MAGI2: variants seen among roughly 807,000 people sequenced by gnomAD.
MAGI2 encodes membrane associated guanylate kinase, WW and PDZ domain containing 2.
Under a neutral mutation model 133.3 loss-of-function variants are expected in MAGI2, and 35 were observed. That is an observed-to-expected ratio of 0.26 (90% CI 0.20 to 0.35). MAGI2 has a LOEUF of 0.35. MAGI2 is among the 10% of genes least tolerant of loss of function. The probability of loss-of-function intolerance (pLI) is 1.00; values close to 1 mark genes in which losing one functional copy is unlikely to be tolerated. For synonymous variants in MAGI2, 729 were observed against 710.6 expected (o/e 1.03, Z -0.41); for missense variants, 1,636 against 1,863.4 (o/e 0.88, Z 2.25).
rs724914 is a variant in MAGI2 at position 78,521,808 on chromosome 7, A to C, written c.539-163T>G. On this transcript the variant is annotated intron_variant, in intron 3 of 21. Transcript: ENST00000354212. Reference sequence around the variant, plus strand: ...TGGTTTTCTATCTATGTGTCTCTCTATATATATACATATTTATTTGTTCCT... The same window carrying C: ...TGGTTTTCTATCTATGTGTCTCTCTCTATATATACATATTTATTTGTTCCT... 0.69 allele frequency among the ~76,000 whole-genome samples: 104,756 copies of C among 151,914 alleles called. 36,853 individuals are homozygous for C. Among genetic ancestry groups the C allele is most frequent in the African/African-American group, 0.84 (34,833 of 41,450 alleles).
chr7:78,488,535 C>T (rs913176724), intron 6 of MAGI2, among the ~76,000 whole-genome samples: 5 of 132,904 alleles, frequency 3.8e-5, no homozygotes, highest in African/African-American at 1.5e-4. Flanking sequence ...CAGACTATCA[C>T]ATTTTGTAAC....
intron 2 of MAGI2, among the ~76,000 whole-genome samples, chr7:78,889,462 T>C (rs1222242629): frequency 6.6e-6 from 1 of 152,136 alleles, no homozygotes; most frequent in African/African-American, 2.4e-5. Flanking sequence ...GAAATAATGT[T>C]AAGGGCAGCC....
chr7:79,212,029 T>G (rs553224491), intron 1 of MAGI2, among the ~76,000 whole-genome samples: 2 of 152,224 alleles, frequency 1.3e-5, no homozygotes, highest in African/African-American at 4.8e-5. Context: ...TGTCCCAAAC[T>G]CTCTGGACTT....
At chr7:78,234,578 TTATATTTCA>T (rs1371759842) in intron 10 of MAGI2, among the ~76,000 whole-genome samples, 6 of 10,130 alleles carry the variant, frequency 5.9e-4, no homozygotes, top group African/African-American at 4.9e-4. Flanking sequence ...TTCATATTCA[TTATATTTCA>T]TATAATATAA....
In MAGI2 at chr7:79,264,767, C is replaced by A. The variant is rs201710185; in HGVS notation, c.301+188253G>T. On this transcript the variant is annotated intron_variant, in intron 1 of 21. Coordinates refer to ENST00000354212, the MANE Select transcript of MAGI2 (RefSeq NM_012301.4). ...CAGACATCAGAACCTGGTTGAGGAT[C>A]TAGTGAGGGCTTCAGGCTGCTTCAT... 1.6e-4 allele frequency among the ~76,000 whole-genome samples: 25 copies of A among 151,790 alleles called. No individual in the cohort carries two copies. In the East Asian group the frequency reaches 3.9e-3, roughly 24 times the overall value.
At chr7:78,474,317 CTA>C (rs1157969367) in intron 6 of MAGI2, among the ~76,000 whole-genome samples, 2 of 151,958 alleles carry the variant, frequency 1.3e-5, no homozygotes, top group African/African-American at 4.8e-5. Flanking sequence ...AAAAAGGAAT[CTA>C]TGTGATAGTG....
chr7:78,921,335 A>T (rs914973068), intron 2 of MAGI2, among the ~76,000 whole-genome samples: 1 of 152,306 alleles, frequency 6.6e-6, no homozygotes, highest in East Asian at 1.9e-4. Flanking sequence ...TGACTTTATC[A>T]TGCATAAAAA....
chr7:78,382,399 T>C (rs1183361033), intron 6 of MAGI2, among the ~76,000 whole-genome samples: 9 of 151,872 alleles, frequency 5.9e-5, no homozygotes, highest in Admixed American at 5.9e-4. Context: ...CAATAACAAA[T>C]GAGCTTACAT....
intron 2 of MAGI2, among the ~76,000 whole-genome samples, chr7:78,936,162 G>A (rs1300208413): frequency 6.6e-6 from 1 of 151,820 alleles, no homozygotes; most frequent in African/African-American, 2.4e-5. Context: ...TAAGGAAAAT[G>A]AAAACAAAGC....
intron 1 of MAGI2, among the ~76,000 whole-genome samples, chr7:79,147,474 G>T (rs1011881311): frequency 6.6e-6 from 1 of 152,154 alleles, no homozygotes; most frequent in Non-Finnish European, 1.5e-5. Flanking sequence ...GGGCTGCTTA[G>T]CTTGGGAACC....
intron 1 of MAGI2, among the ~76,000 whole-genome samples, chr7:79,294,557 G>A (rs527999895): frequency 6.6e-6 from 1 of 152,012 alleles, no homozygotes; most frequent in South Asian, 2.1e-4. Flanking sequence ...CTTTTTACTT[G>A]GCTGTCTCAG....
At chr7:78,066,945 G>T (rs1813895530) in intron 21 of MAGI2, among the ~76,000 whole-genome samples, 1 of 152,188 alleles carries the variant, frequency 6.6e-6, no homozygotes, top group Admixed American at 6.5e-5. Flanking sequence ...TGTATATACG[G>T]CTTCAATGTG....
At chr7:79,378,006 C>T (rs910576841) in intron 1 of MAGI2, among the ~76,000 whole-genome samples, 8 of 151,906 alleles carry the variant, frequency 5.3e-5, no homozygotes, top group African/African-American at 1.9e-4. Flanking sequence ...GACATGTTTT[C>T]ACAGATAATT....
intron 21 of MAGI2, among the ~76,000 whole-genome samples, chr7:78,077,046 A>T (rs1381758663): frequency 6.6e-6 from 1 of 152,154 alleles, no homozygotes; most frequent in Non-Finnish European, 1.5e-5. Flanking sequence ...ACTACAGACA[A>T]GCAGCTGATG....
intron 20 of MAGI2, among the ~76,000 whole-genome samples, chr7:78,124,312 G>C (rs1426701867): frequency 6.6e-6 from 1 of 152,222 alleles, no homozygotes; most frequent in Admixed American, 6.5e-5. Context: ...AGGGCTAGAC[G>C]GGGTAAGAGG....
chr7:78,779,667 T>C (rs1826250299), intron 2 of MAGI2, among the ~76,000 whole-genome samples: 1 of 152,222 alleles, frequency 6.6e-6, no homozygotes, highest in Non-Finnish European at 1.5e-5. Flanking sequence ...TTTCAGGAAC[T>C]CATCAGGCTC....
At chr7:79,450,767 T>C (rs1294667171) in intron 1 of MAGI2, among the ~76,000 whole-genome samples, 3 of 152,196 alleles carry the variant, frequency 2.0e-5, no homozygotes, top group Non-Finnish European at 4.4e-5. Context: ...TCATCTTATA[T>C]AGGAATCCCT....
intron 1 of MAGI2, among the ~76,000 whole-genome samples, chr7:79,286,175 C>A (rs1835984692): frequency 6.6e-6 from 1 of 151,982 alleles, no homozygotes; most frequent in Non-Finnish European, 1.5e-5. Context: ...TGTGAGGTTT[C>A]TTCAGATGTG....
chr7:78,745,320 A>G (rs887682267), intron 2 of MAGI2, among the ~76,000 whole-genome samples: 3 of 152,268 alleles, frequency 2.0e-5, no homozygotes, highest in African/African-American at 2.4e-5. Flanking sequence ...AGGCCTGTGC[A>G]TTTCCCACAG....
Sources: allele counts gnomAD v4.1 joint callset (sites outside exome capture counted in the v4.1 genomes callset), GRCh38; gene constraint gnomAD v4.1.1; transcripts MANE v1.5; gene names NCBI Gene and HGNC (gene_info 2026-07-23, HGNC 2026-07-21).